DYRK1A: variants seen among roughly 807,000 people sequenced by gnomAD.
DYRK1A encodes the protein dual specificity tyrosine-phosphorylation-regulated kinase 1A.
Under a neutral mutation model 79.7 loss-of-function variants are expected in DYRK1A, and 9 were observed. That is an observed-to-expected ratio of 0.11 (90% confidence interval 0.07 to 0.20). DYRK1A has a LOEUF of 0.20. DYRK1A is among the 10% of genes least tolerant of loss of function. DYRK1A has a pLI of 1.00. For synonymous variants in DYRK1A, 349 were observed against 329.7 expected, an observed-to-expected ratio of 1.06 and a Z score of -0.63; for missense variants, 622 against 956.0, an observed-to-expected ratio of 0.65 and a Z score of 4.61.
Position 37,512,292 on chromosome 21 carries a change from G to C in DYRK1A, c.2026G>C (p.Val676Leu). 6.2e-7 allele frequency: 1 copy of C among 1,614,222 alleles called. No homozygotes were observed. Among genetic ancestry groups the C allele is most frequent in the African/African-American group, 1.3e-5 (1 of 75,052 alleles). The change falls in exon 12 of 12, where the codon GTG becomes CTG. Residue 676 changes from valine (V) to leucine (L), a missense_variant. By Grantham distance (32) the Val-to-Leu change is conservative. Around this residue, in one of 5 missense-constraint regions of DYRK1A, gnomAD observed 292 missense variants for 316.7 expected, o/e 0.92. Transcript: ENST00000647188. Reference protein sequence around the residue: ...QGNQAYQNRPVAANTLDFGQN... With the variant: ...QGNQAYQNRPLAANTLDFGQN... ...CAATCAGGCCTACCAGAATCGCCCAGTGGCTGCTAATACCTTGGACTTTGG... is the reference window on the plus strand; with the variant it reads ...CAATCAGGCCTACCAGAATCGCCCACTGGCTGCTAATACCTTGGACTTTGG...
At chr21:37,381,584 A>G (rs1480967216) in intron 1 of DYRK1A, among the ~76,000 whole-genome samples, 3 of 152,138 alleles carry the variant, frequency 2.0e-5, no homozygotes, top group African/African-American at 4.8e-5. Context: ...TTCAGCAGTT[A>G]TATCTGGAAT....
In DYRK1A at chr21:37,440,380, G is replaced by A. The variant is rs377510535; in HGVS notation, c.10+19996G>A. ...TCGAACTCCTGACCTCAAGTGATCCGCCTGCCTCAGCCTTCCAAAGTGTTG... is the reference window on the plus strand; with the variant it reads ...TCGAACTCCTGACCTCAAGTGATCCACCTGCCTCAGCCTTCCAAAGTGTTG... On this transcript the variant is annotated intron_variant, in intron 2 of 11. Transcript: ENST00000647188. Among the ~76,000 whole-genome samples, 7 of 151,480 alleles carry A rather than the reference G, an allele frequency of 4.6e-5. No individual in the cohort carries two copies. The South Asian group carries it at 1.2e-3, about 27-fold the overall frequency.
chr21:37,433,788 A>T (rs1371969417), intron 2 of DYRK1A, among the ~76,000 whole-genome samples: 1 of 152,220 alleles, frequency 6.6e-6, no homozygotes, highest in Non-Finnish European at 1.5e-5. Context: ...AGAAACCAAG[A>T]GACATTGATG....
rs772508546 is a variant in DYRK1A, at chr21:37,512,078, C to T, written c.1812C>T (p.His604=). 1 of 1,614,016 alleles carries T rather than the reference C, an allele frequency of 6.2e-7. No homozygotes were observed. The highest frequency in any genetic ancestry group is 2.2e-5 in the East Asian group (1 of 44,872). Residue 604 remains histidine, a synonymous_variant, in exon 12 of 12, where the codon CAC becomes CAT. Transcript: ENST00000647188. ...GTTCCCATCACCATCACCACCACCACCACCATCACCACCACCATGGACAAC... is the reference window on the plus strand; with the variant it reads ...GTTCCCATCACCATCACCACCACCATCACCATCACCACCACCATGGACAAC... ...GNSSHHHHHH[H]HHHHHHGQQA... is the part of the protein sequence containing the mutation.
intron 1 of DYRK1A, among the ~76,000 whole-genome samples, chr21:37,395,195 G>A (rs1368487742): frequency 6.6e-6 from 1 of 152,200 alleles, no homozygotes; most frequent in African/African-American, 2.4e-5. Context: ...ATACATTGGA[G>A]TCCGTCCGAA....
In DYRK1A at chr21:37,521,386, G is replaced by A. The variant is rs2053934328; in HGVS notation, c.*8855G>A. 1 of 152,256 alleles carries A rather than the reference G, an allele frequency of 6.6e-6. No homozygotes were observed. Among genetic ancestry groups the A allele is most frequent in the African/African-American group, 2.4e-5 (1 of 41,460 alleles). The allele number at this position is 152,256 out of a possible 1,614,324, so 9.4% of individuals were successfully genotyped here. A position where few individuals can be genotyped will look rare whatever the true frequency, so the allele number is the denominator to read the frequency against. ...AATGAACAAAAAGTCCTACCCTGAA[G>A]AAGAAGAATGTCTTACCAGCAAACG... On this transcript the variant is annotated 3_prime_UTR_variant, in exon 12 of 12. Coordinates refer to ENST00000647188, the MANE Select transcript of DYRK1A (RefSeq NM_001347721.2).
intron 9 of DYRK1A, chr21:37,504,661 C>T (rs2053543020): frequency 6.6e-6 from 1 of 152,232 alleles, no homozygotes; most frequent in Non-Finnish European, 1.5e-5. Flanking sequence ...GAAATCTCAA[C>T]ACACGTTAGT....
At chr21:37,443,634 C>G (rs955333984) in intron 2 of DYRK1A, among the ~76,000 whole-genome samples, 1 of 152,138 alleles carries the variant, frequency 6.6e-6, no homozygotes, top group Non-Finnish European at 1.5e-5. Context: ...CAAATGGGAG[C>G]AGTGTAGTCC....
At chr21:37,438,108 CTT>C (rs1247960654) in intron 2 of DYRK1A, among the ~76,000 whole-genome samples, 5 of 152,006 alleles carry the variant, frequency 3.3e-5, no homozygotes, top group African/African-American at 4.8e-5. Context: ...TTTGTATGTA[CTT>C]TTTTGCCCCC....
At chr21:37,464,157 GTCT>G (rs1271798435) in intron 2 of DYRK1A, 1 of 285,932 alleles carries the variant, frequency 3.5e-6, no homozygotes, top group East Asian at 9.7e-5. Context: ...TAAACTTAGG[GTCT>G]TTTCTCATGC....
intron 1 of DYRK1A, among the ~76,000 whole-genome samples, chr21:37,396,282 C>T (rs986779070): frequency 6.6e-6 from 1 of 151,802 alleles, no homozygotes; most frequent in Non-Finnish European, 1.5e-5. Context: ...AATATATTAC[C>T]CTCTTTAAAG....
rs2053918381 is a variant in DYRK1A at position 37,519,745 on chromosome 21, T to TTTTTTTTTTTTTTTG, written c.*7215_*7229dup. The TTTTTTTTTTTTTTTG allele has an allele frequency of 7.9e-6, 1 of 126,204 alleles. No individual in the cohort carries two copies. Among genetic ancestry groups the TTTTTTTTTTTTTTTG allele is most frequent in the African/African-American group, 4.5e-5 (1 of 22,342 alleles). 7.8% of individuals were successfully genotyped at this position (126,204 alleles called of 1,614,324 possible). A position where few individuals can be genotyped will look rare whatever the true frequency, so the allele number is the denominator to read the frequency against. Reference sequence around the variant, plus strand: ...AGGTTTGTTGTGGGAAGTTTTTTTTTTTTTTTTTTTTTTTGAGGCGGAGTC... The same window carrying TTTTTTTTTTTTTTTG: ...AGGTTTGTTGTGGGAAGTTTTTTTTTTTTTTTTTTTTTTTGTTTTTTTTTTTTTTGAGGCGGAGTC... On this transcript the variant is annotated 3_prime_UTR_variant, in exon 12 of 12. Coordinates refer to ENST00000647188, the MANE Select transcript of DYRK1A (RefSeq NM_001347721.2).
chr21:37,468,456 T>A (rs770319557), intron 2 of DYRK1A, among the ~76,000 whole-genome samples: 10 of 152,314 alleles, frequency 6.6e-5, no homozygotes, highest in Non-Finnish European at 1.5e-4. Flanking sequence ...GATCTTAAAA[T>A]TTTTAAAGCT....
chr21:37,392,264 T>A (rs1452640199), intron 1 of DYRK1A, among the ~76,000 whole-genome samples: 1 of 152,232 alleles, frequency 6.6e-6, no homozygotes, highest in Non-Finnish European at 1.5e-5. Context: ...ATCTCAGATG[T>A]CATCTCCTGT....
At chr21:37,457,526 C>T (rs951680769) in intron 2 of DYRK1A, among the ~76,000 whole-genome samples, 8 of 152,174 alleles carry the variant, frequency 5.3e-5, no homozygotes, top group Admixed American at 4.6e-4. Flanking sequence ...CATGTGCCAC[C>T]GCGGCTGGCC....
chr21:37,448,300 A>G (rs886571224), intron 2 of DYRK1A, among the ~76,000 whole-genome samples: 2 of 152,180 alleles, frequency 1.3e-5, no homozygotes, highest in African/African-American at 4.8e-5. Context: ...TTTGTACTGT[A>G]TTACTGGTAT....
rs566948109 is a variant in DYRK1A, at chr21:37,425,401, A to G, written c.10+5017A>G. On this transcript the variant is annotated intron_variant, in intron 2 of 11. Coordinates refer to ENST00000647188, the MANE Select transcript of DYRK1A (RefSeq NM_001347721.2). ...ATTGCTTTTTATGTTTCATAGTTTTATTTATGTTTCTAAGTGGAAGCAATT... is the reference window on the plus strand; with the variant it reads ...ATTGCTTTTTATGTTTCATAGTTTTGTTTATGTTTCTAAGTGGAAGCAATT... Among the ~76,000 whole-genome samples the G allele has an allele frequency of 3.9e-5, 6 of 152,116 alleles. No individual in the cohort carries two copies. The East Asian group carries it at 1.2e-3, about 29-fold the overall frequency.
At chr21:37,481,611 G>A (rs890080470) in intron 5 of DYRK1A, 1 of 152,210 alleles carries the variant, frequency 6.6e-6, no homozygotes, top group Non-Finnish European at 1.5e-5. Context: ...GGCCAGGCTG[G>A]TCTCAAACTC....
At chr21:37,389,219 A>G (rs532161036) in intron 1 of DYRK1A, among the ~76,000 whole-genome samples, 96 of 151,658 alleles carry the variant, frequency 6.3e-4, no homozygotes, top group African/African-American at 1.9e-3. Flanking sequence ...AAGTATATAT[A>G]TATATAAACA....
Sources: gnomAD v4.1 joint callset for allele counts (sites outside exome capture counted in the v4.1 genomes callset) on GRCh38, gnomAD v4.1.1 for gene constraint, gnomAD v4.1.1 regional missense constraint, MANE v1.5 for transcripts, NCBI Gene and HGNC (gene_info 2026-07-23, HGNC 2026-07-21) for gene names.